The following MARCHF1 variants were observed in gnomAD, a reference collection of about 807,000 sequenced individuals.
The protein encoded by MARCHF1 is E3 ubiquitin-protein ligase MARCHF1.
A neutral mutation model predicts 54.2 loss-of-function variants in MARCHF1; 40 were observed. That is an observed-to-expected ratio of 0.74 (90% CI 0.57 to 0.96). MARCHF1 has a LOEUF of 0.96. MARCHF1 is among the 40% of genes least tolerant of loss of function. MARCHF1 has a pLI of 0.00. For synonymous variants in MARCHF1, 236 were observed against 236.3 expected, an observed-to-expected ratio of 1.00 and a Z score of 0.01; for missense variants, 586 against 656.5, an observed-to-expected ratio of 0.89 and a Z score of 1.17.
intron 2 of MARCHF1, among the ~76,000 whole-genome samples, chr4:164,004,528 C>A (rs1370016027): frequency 6.6e-6 from 1 of 151,880 alleles, no homozygotes; most frequent in Non-Finnish European, 1.5e-5. Flanking sequence ...CACCCAATGA[C>A]TGCAGAATAG....
chr4:163,527,876 T>TA lies in MARCHF1; in HGVS notation c.*871dup, dbSNP rs959694091. ...ATGTTGAAATAACATATAGTGTTTT[T>TA]AAAAAATCAAAATTCATTTTAACAA... On this transcript the variant is annotated 3_prime_UTR_variant, in exon 10 of 10. Transcript: ENST00000514618. 7 of 152,274 alleles carry TA rather than the reference T, an allele frequency of 4.6e-5. No homozygotes were observed. Among genetic ancestry groups the TA allele is most frequent in the South Asian group, 2.1e-4 (1 of 4,832 alleles). 9.4% of individuals were successfully genotyped at this position (152,274 alleles called of 1,614,324 possible). A position where few individuals can be genotyped will look rare whatever the true frequency, so the allele number is the denominator to read the frequency against.
intron 5 of MARCHF1, among the ~76,000 whole-genome samples, chr4:163,642,519 T>C (rs1028722803): frequency 1.3e-5 from 2 of 152,210 alleles, no homozygotes; most frequent in Non-Finnish European, 2.9e-5. Flanking sequence ...TTGACTTGCA[T>C]TCTAGTTGGC....
Position 164,374,753 on chromosome 4 carries a change from A to T in MARCHF1, c.-323+9117T>A, listed in dbSNP as rs2062944. On this transcript the variant is annotated intron_variant, in intron 1 of 9. Coordinates refer to ENST00000514618, the MANE Select transcript of MARCHF1 (RefSeq NM_001394959.1). ...ATGGCACAGAATCTTTCTTTCATGTAGTAGTTACTTAATAAATACTTGTTT... is the reference window on the plus strand; with the variant it reads ...ATGGCACAGAATCTTTCTTTCATGTTGTAGTTACTTAATAAATACTTGTTT... Among the ~76,000 whole-genome samples the T allele has an allele frequency of 3.5e-3, 529 of 151,922 alleles. 4 individuals carry two copies. The highest frequency in any genetic ancestry group is 0.012 in the African/African-American group (507 of 41,466).
intron 7 of MARCHF1, among the ~76,000 whole-genome samples, chr4:163,590,062 G>A (rs903568417): frequency 3.3e-5 from 5 of 151,592 alleles, no homozygotes; most frequent in African/African-American, 1.2e-4. Context: ...ATTTTGGTGT[G>A]TGTGTGTGTG....
At chr4:164,278,111 G>C (rs561051156) in intron 1 of MARCHF1, among the ~76,000 whole-genome samples, 1 of 152,258 alleles carries the variant, frequency 6.6e-6, no homozygotes, top group African/African-American at 2.4e-5. Flanking sequence ...AGAAATTCCA[G>C]ACCAGCCTGA....
At chr4:164,084,364 T>C (rs1425616228) in intron 2 of MARCHF1, among the ~76,000 whole-genome samples, 1 of 151,886 alleles carries the variant, frequency 6.6e-6, no homozygotes, top group Non-Finnish European at 1.5e-5. Flanking sequence ...TAATAAATAT[T>C]TGGTGAATTA....
chr4:164,091,879 TGTGTG>T (rs1222537135), intron 2 of MARCHF1, among the ~76,000 whole-genome samples: 5 of 151,612 alleles, frequency 3.3e-5, no homozygotes, highest in Admixed American at 3.3e-4. Flanking sequence ...TGTGTGTGTG[TGTGTG>T]TGTGTGTGTG....
intron 1 of MARCHF1, among the ~76,000 whole-genome samples, chr4:164,238,271 T>G (rs1732625083): frequency 6.6e-6 from 1 of 151,790 alleles, no homozygotes; most frequent in Admixed American, 6.6e-5. Flanking sequence ...TCCTCTCTAC[T>G]CCAGTGGTGA....
At chr4:163,968,167 T>C (rs1041107090) in intron 3 of MARCHF1, among the ~76,000 whole-genome samples, 4 of 152,176 alleles carry the variant, frequency 2.6e-5, no homozygotes, top group Admixed American at 2.6e-4. Context: ...TCAGGAATTT[T>C]TGTATCCATC....
In MARCHF1 at chr4:163,525,323, G is replaced by A. The variant is rs1738062949; in HGVS notation, c.*3425C>T. 1 of 152,056 alleles carries A rather than the reference G, an allele frequency of 6.6e-6. No homozygotes were observed. The allele number at this position is 152,056 out of a possible 1,614,324, so 9.4% of individuals were successfully genotyped here. On this transcript the variant is annotated 3_prime_UTR_variant, in exon 10 of 10. Coordinates refer to ENST00000514618, the MANE Select transcript of MARCHF1 (RefSeq NM_001394959.1). ...TGTAAAACAAGATAAAAAACCATGA[G>A]GTCGTCTGTCTGGGACTATAATCAC... is the stretch of plus-strand genomic sequence containing the variant.
intron 3 of MARCHF1, among the ~76,000 whole-genome samples, chr4:163,854,603 C>T (rs1000538695): frequency 6.6e-6 from 1 of 152,102 alleles, no homozygotes; most frequent in African/African-American, 2.4e-5. Context: ...CCGAATAAAT[C>T]GAATACAGGC....
intron 1 of MARCHF1, among the ~76,000 whole-genome samples, chr4:164,257,587 T>C (rs1484973185): frequency 6.6e-6 from 1 of 151,680 alleles, no homozygotes; most frequent in Non-Finnish European, 1.5e-5. Flanking sequence ...ATATATATAT[T>C]TGAAAAATGT....
intron 7 of MARCHF1, among the ~76,000 whole-genome samples, chr4:163,602,300 C>T (rs1579102273): frequency 1.3e-5 from 2 of 152,068 alleles, no homozygotes; most frequent in East Asian, 3.8e-4. Context: ...TTACTGACAA[C>T]TGCAGCGATT....
chr4:164,169,444 A>G (rs944127363), intron 1 of MARCHF1, among the ~76,000 whole-genome samples: 1 of 152,074 alleles, frequency 6.6e-6, no homozygotes, highest in Admixed American at 6.6e-5. Context: ...AAGGCTTTTC[A>G]TCATTTCCTC....
chr4:164,028,041 A>G (rs555977449), intron 2 of MARCHF1, among the ~76,000 whole-genome samples: 1 of 152,292 alleles, frequency 6.6e-6, no homozygotes, highest in South Asian at 2.1e-4. Flanking sequence ...CATACTAGTC[A>G]AAATGGCTAT....
intron 1 of MARCHF1, among the ~76,000 whole-genome samples, chr4:164,199,118 A>G (rs1440223986): frequency 2.6e-5 from 4 of 152,162 alleles, no homozygotes; most frequent in African/African-American, 9.7e-5. Flanking sequence ...TATAACCCAC[A>G]CATAGCAAGA....
chr4:163,979,818 T>C (rs1490981033), intron 3 of MARCHF1, among the ~76,000 whole-genome samples: 1 of 152,128 alleles, frequency 6.6e-6, no homozygotes, highest in African/African-American at 2.4e-5. Flanking sequence ...CATAAATGTC[T>C]TCTTTTGAGA....
At chr4:164,371,171 G>A (rs1448938586) in intron 1 of MARCHF1, among the ~76,000 whole-genome samples, 1 of 151,990 alleles carries the variant, frequency 6.6e-6, no homozygotes, top group Non-Finnish European at 1.5e-5. Context: ...CAAATCAGTA[G>A]GAAAAACTAA....
chr4:163,980,435 A>G (rs28588860), intron 3 of MARCHF1, among the ~76,000 whole-genome samples: 2,850 of 149,902 alleles, frequency 0.019, 118 homozygotes, highest in East Asian at 0.17. Flanking sequence ...CCTAGGCATT[A>G]CCATTCAGGA....
Sources: gnomAD v4.1 joint callset for allele counts (sites outside exome capture counted in the v4.1 genomes callset) on GRCh38, gnomAD v4.1.1 for gene constraint, MANE v1.5 for transcripts, NCBI Gene and HGNC (gene_info 2026-07-23, HGNC 2026-07-21) for gene names.